EIF4G3: variants seen among roughly 807,000 people sequenced by gnomAD.
EIF4G3 encodes the protein eIF-4-gamma 3.
Under a neutral mutation model 186.4 loss-of-function variants are expected in EIF4G3, and 34 were observed. The observed-to-expected ratio is 0.18, with a 90% CI of 0.14 to 0.24. The LOEUF (loss-of-function observed/expected upper bound fraction) is 0.24, where lower values mean the gene tolerates loss of function less well. Ranked by LOEUF, EIF4G3 falls within the 10% of genes least tolerant of loss-of-function variation. The pLI is 1.00. For missense variants in EIF4G3, 1,536 were observed against 1,948.5 expected (o/e 0.79, Z 3.99); for synonymous variants, 673 against 679.5 (o/e 0.99, Z 0.15).
rs185403863 is a variant in EIF4G3, at chr1:20,860,644, A to G, written c.3112-127T>C. The G allele has an allele frequency of 1.2e-3, 1,236 of 1,057,894 alleles. 3 individuals are homozygous for G. The highest frequency in any genetic ancestry group is 1.6e-3 in the Non-Finnish European group (1,187 of 748,792). 65.5% of individuals were successfully genotyped at this position (1,057,894 alleles called of 1,614,324 possible). A position where few individuals can be genotyped will look rare whatever the true frequency, so the allele number is the denominator to read the frequency against. ...AAAAGCTGTATTATGGCAGTTTCTC[A>G]TGTATCTTATAGATGACACTATGAG... is the stretch of plus-strand genomic sequence containing the variant. On this transcript the variant is annotated intron_variant, in intron 23 of 36. Transcript: ENST00000602326.
intron 4 of EIF4G3, among the ~76,000 whole-genome samples, chr1:21,008,553 G>C (rs1226155426): frequency 6.6e-6 from 1 of 152,050 alleles, no homozygotes; most frequent in Admixed American, 6.6e-5. Context: ...TGGTCAGGCT[G>C]GTCTCAAACT....
Position 20,941,161 on chromosome 1 carries a change from C to G in EIF4G3, c.1663+330G>C, listed in dbSNP as rs1448258671. On this transcript the variant is annotated intron_variant, in intron 14 of 36. Transcript: ENST00000602326. The stretch of plus-strand genomic sequence containing the variant: ...CATCCTGGTTTTTTGTTTTCTAGCC[C>G]CAAAGCAGCAAAATTAAGCATTGAG... 14 of 1,443,132 alleles carry G rather than the reference C, an allele frequency of 9.7e-6. No individual in the cohort carries two copies. The East Asian group carries it at 3.3e-4, about 34-fold the overall frequency. 89.4% of individuals were successfully genotyped at this position (1,443,132 alleles called of 1,614,324 possible).
At chr1:21,130,011 C>T (rs1312646897) in intron 2 of EIF4G3, among the ~76,000 whole-genome samples, 4 of 152,004 alleles carry the variant, frequency 2.6e-5, no homozygotes, top group Non-Finnish European at 4.4e-5. Context: ...TACCAAGCAA[C>T]GGTATTCTAC....
chr1:20,938,968 G>A (rs543768756), intron 14 of EIF4G3, among the ~76,000 whole-genome samples: 2 of 152,044 alleles, frequency 1.3e-5, no homozygotes, highest in African/African-American at 4.8e-5. Context: ...TAAGCCAGGC[G>A]TGGTGGCACA....
chr1:20,863,880 A>G (rs2076990840), intron 22 of EIF4G3, among the ~76,000 whole-genome samples: 1 of 152,222 alleles, frequency 6.6e-6, no homozygotes, highest in Non-Finnish European at 1.5e-5. Flanking sequence ...AGCTGAAAGG[A>G]CTTACCTCAG....
At chr1:21,144,880 G>A (rs934502996) in intron 2 of EIF4G3, among the ~76,000 whole-genome samples, 6 of 152,202 alleles carry the variant, frequency 3.9e-5, no homozygotes, top group Admixed American at 2.0e-4. Flanking sequence ...CAACACAGCA[G>A]AACACTAGAA....
intron 4 of EIF4G3, among the ~76,000 whole-genome samples, chr1:21,026,206 T>A (rs1571259487): frequency 6.6e-6 from 1 of 152,072 alleles, no homozygotes; most frequent in South Asian, 2.1e-4. Flanking sequence ...CCAAAAGTAA[T>A]TAGAAATGGG....
intron 4 of EIF4G3, among the ~76,000 whole-genome samples, chr1:21,019,924 T>C (rs2090269290): frequency 6.6e-6 from 1 of 152,000 alleles, no homozygotes; most frequent in Non-Finnish European, 1.5e-5. Context: ...ATGAACATAA[T>C]CAAGAAACAC....
At chr1:20,864,803 G>T (rs961540007) in intron 21 of EIF4G3, 91 bp from the exon 22 acceptor site, 2 of 1,099,214 alleles carry the variant, frequency 1.8e-6, no homozygotes, top group Non-Finnish European at 2.7e-6. Context: ...ATCCCCGTGA[G>T]AATCTGATAG....
chr1:21,159,745 TC>T (rs2097727639), intron 2 of EIF4G3, among the ~76,000 whole-genome samples: 1 of 151,962 alleles, frequency 6.6e-6, no homozygotes, highest in African/African-American at 2.4e-5. Flanking sequence ...GGCTGGAAGA[TC>T]AACTGAGGCT....
intron 20 of EIF4G3, among the ~76,000 whole-genome samples, chr1:20,869,197 C>A (rs2078407385): frequency 6.6e-6 from 1 of 151,916 alleles, no homozygotes; most frequent in Admixed American, 6.6e-5. Context: ...GCCCCCAAAT[C>A]ATGTGCTAGT....
intron 14 of EIF4G3, among the ~76,000 whole-genome samples, chr1:20,923,045 A>G (rs1417149576): frequency 6.6e-6 from 1 of 152,154 alleles, no homozygotes; most frequent in Non-Finnish European, 1.5e-5. Flanking sequence ...CTTTACAGAG[A>G]GTAAAGGTTG....
intron 26 of EIF4G3, among the ~76,000 whole-genome samples, 159 bp from the exon 27 acceptor site, chr1:20,853,836 G>A (rs1047499077): frequency 6.6e-6 from 1 of 152,200 alleles, no homozygotes; most frequent in African/African-American, 2.4e-5. Flanking sequence ...GAGAAGCAAA[G>A]TGTTAGAGGG....
At chr1:20,892,754 G>A (rs1419579694) in intron 18 of EIF4G3, 5 of 1,435,164 alleles carry the variant, frequency 3.5e-6, no homozygotes, top group Non-Finnish European at 4.7e-6. Flanking sequence ...ACAAAGACAT[G>A]ATCATTAGCT....
At chr1:21,092,288 T>A (rs1396145019) in intron 2 of EIF4G3, among the ~76,000 whole-genome samples, 1 of 152,226 alleles carries the variant, frequency 6.6e-6, no homozygotes, top group East Asian at 1.9e-4. Flanking sequence ...CATGCTGGAT[T>A]ACATTTATTG....
At chr1:21,133,516 C>A (rs1381422670) in intron 2 of EIF4G3, among the ~76,000 whole-genome samples, 1 of 152,180 alleles carries the variant, frequency 6.6e-6, no homozygotes, top group Non-Finnish European at 1.5e-5. Flanking sequence ...TGAGCCACCG[C>A]GCCCAGCCTA....
At chr1:20,889,959 C>T (rs2085464480) in intron 18 of EIF4G3, among the ~76,000 whole-genome samples, 1 of 151,672 alleles carries the variant, frequency 6.6e-6, no homozygotes, top group Non-Finnish European at 1.5e-5. Context: ...AAGTCTGTTA[C>T]AGCAAAGTTT....
At chr1:21,118,677 T>C (rs1278216811) in intron 2 of EIF4G3, among the ~76,000 whole-genome samples, 3 of 151,622 alleles carry the variant, frequency 2.0e-5, no homozygotes, top group African/African-American at 4.8e-5. Context: ...TCCCAGCTAC[T>C]TGGGAGGCTG....
chr1:21,168,498 C>G (rs1366305500), intron 2 of EIF4G3, among the ~76,000 whole-genome samples: 1 of 152,084 alleles, frequency 6.6e-6, no homozygotes, highest in East Asian at 1.9e-4. Flanking sequence ...TCAGGTCTCA[C>G]TACAGCCTTG....
Sources: gnomAD v4.1 joint callset for allele counts (sites outside exome capture counted in the v4.1 genomes callset) on GRCh38, gnomAD v4.1.1 for gene constraint, MANE v1.5 for transcripts, NCBI Gene and HGNC (gene_info 2026-07-23, HGNC 2026-07-21) for gene names.